RAB11FIP4: variants seen among roughly 807,000 people sequenced by gnomAD.
RAB11FIP4 encodes the protein RAB11 family interacting protein 4, also known as rab11 family-interacting protein 4.
In RAB11FIP4, 23 loss-of-function variants were observed where a neutral mutation model predicts 74.3. The observed-to-expected ratio is 0.31, with a 90% CI of 0.22 to 0.44. RAB11FIP4 has a LOEUF of 0.44. Ranked by LOEUF, RAB11FIP4 falls within the 20% of genes least tolerant of loss-of-function variation. RAB11FIP4 has a pLI of 1.00. For missense variants in RAB11FIP4, 630 were observed against 863.9 expected (o/e 0.73, Z 3.39); for synonymous variants, 360 against 359.9 (o/e 1.00, Z 0.00).
chr17:31,435,126 C>A lies in RAB11FIP4; in HGVS notation c.336+1004C>A, dbSNP rs142826707. ...ACTTGAGCCCAGTAGTTTGAGACTT[C>A]AGTGAGCTGTGATTGTGCTACTGCA... is the stretch of plus-strand genomic sequence containing the variant. On this transcript the variant is annotated intron_variant, in intron 3 of 14. Transcript: ENST00000621161. Among the ~76,000 whole-genome samples, 28 of 152,320 alleles carry A rather than the reference C, an allele frequency of 1.8e-4. No individual in the cohort carries two copies. In the East Asian group the frequency reaches 5.2e-3, roughly 28 times the overall value.
At chr17:31,529,703 G>A (rs1288581072) in intron 13 of RAB11FIP4, among the ~76,000 whole-genome samples, 1 of 152,198 alleles carries the variant, frequency 6.6e-6, no homozygotes, top group African/African-American at 2.4e-5. Flanking sequence ...AGAGCCTGCA[G>A]CATAAATTAT....
At position 31,531,766 on chromosome 17, in the gene RAB11FIP4, C is replaced by A. The variant is rs770222228; in HGVS notation, c.*34C>A. ...GCTGGCTGCAGAGCAGCCTTAGGAC[C>A]CTGGGACCAAGGGCAGACCCTGCCC... On this transcript the variant is annotated 3_prime_UTR_variant, in exon 15 of 15. Transcript: ENST00000621161. 2.7e-6 allele frequency: 4 copies of A among 1,459,518 alleles called. No homozygotes were observed. The South Asian group carries it at 3.4e-5, about 12-fold the overall frequency. 90.4% of individuals were successfully genotyped at this position (1,459,518 alleles called of 1,614,324 possible). A position where few individuals can be genotyped will look rare whatever the true frequency, so the allele number is the denominator to read the frequency against.
At chr17:31,476,308 C>T (rs1043499908) in intron 3 of RAB11FIP4, among the ~76,000 whole-genome samples, 1 of 150,888 alleles carries the variant, frequency 6.6e-6, no homozygotes, top group African/African-American at 2.4e-5. Context: ...CCTCAGCCTC[C>T]CAAGTAGCTG....
At chr17:31,529,789 TCTC>T (rs1413249135) in intron 13 of RAB11FIP4, among the ~76,000 whole-genome samples, 1 of 152,070 alleles carries the variant, frequency 6.6e-6, no homozygotes, top group Non-Finnish European at 1.5e-5. Context: ...CCCCAACCCT[TCTC>T]CTAGTCTAGG....
chr17:31,493,905 ATATG>A, intron 3 of RAB11FIP4, among the ~76,000 whole-genome samples: 1 of 152,008 alleles, frequency 6.6e-6, no homozygotes. Flanking sequence ...CCCAGATCGT[ATATG>A]TGTGTGTGCA....
intron 3 of RAB11FIP4, chr17:31,488,458 A>G: frequency 1.6e-6 from 1 of 609,520 alleles, no homozygotes; most frequent in Non-Finnish European, 2.1e-6. Flanking sequence ...CTCCTTCCCC[A>G]GCGCAGTTCC....
At chr17:31,465,976 T>TGA (rs1677629091) in intron 3 of RAB11FIP4, 1 of 23,078 alleles carries the variant, frequency 4.3e-5, no homozygotes, top group African/African-American at 1.9e-4. Context: ...CTGCTAAAAA[T>TGA]TAAAAAAAAA....
chr17:31,511,230 C>T (rs993752267), intron 3 of RAB11FIP4, among the ~76,000 whole-genome samples: 4 of 152,130 alleles, frequency 2.6e-5, no homozygotes, highest in East Asian at 1.9e-4. Context: ...CTGGCCTGGC[C>T]GTCTACTCCA....
At chr17:31,497,645 G>A (rs1260315585) in intron 3 of RAB11FIP4, among the ~76,000 whole-genome samples, 1 of 152,142 alleles carries the variant, frequency 6.6e-6, no homozygotes, top group African/African-American at 2.4e-5. Context: ...GCTGCACAGG[G>A]TCTGGCTGGA....
At chr17:31,501,325 T>TAA (rs373057437) in intron 3 of RAB11FIP4, among the ~76,000 whole-genome samples, 2 of 141,948 alleles carry the variant, frequency 1.4e-5, no homozygotes, top group South Asian at 4.4e-4. Flanking sequence ...TATCATAAGT[T>TAA]AAAAAAAAAA....
chr17:31,519,565 G>A (rs2072624625), intron 4 of RAB11FIP4, among the ~76,000 whole-genome samples: 1 of 152,108 alleles, frequency 6.6e-6, no homozygotes, highest in Non-Finnish European at 1.5e-5. Flanking sequence ...GAAGCCGAGG[G>A]GGTTGCAAGT....
chr17:31,488,314 G>T, intron 3 of RAB11FIP4: 1 of 1,173,448 alleles, frequency 8.5e-7, no homozygotes, highest in South Asian at 4.3e-5. Flanking sequence ...GGGCTCCGGC[G>T]GCGCGCACCT....
At chr17:31,434,653 G>A (rs1371115766) in intron 3 of RAB11FIP4, among the ~76,000 whole-genome samples, 1 of 152,150 alleles carries the variant, frequency 6.6e-6, no homozygotes, top group Non-Finnish European at 1.5e-5. Flanking sequence ...TGCAAACACA[G>A]GGTTCCCAGG....
chr17:31,466,641 G>A (rs2071688852), intron 3 of RAB11FIP4, among the ~76,000 whole-genome samples: 1 of 152,128 alleles, frequency 6.6e-6, no homozygotes, highest in Non-Finnish European at 1.5e-5. Context: ...TGCCAACCGT[G>A]GCTCCGCTGG....
intron 1 of RAB11FIP4, among the ~76,000 whole-genome samples, chr17:31,395,911 G>A (rs1469911675): frequency 2.0e-5 from 3 of 152,176 alleles, no homozygotes; most frequent in Non-Finnish European, 4.4e-5. Context: ...GCCGGGCGTG[G>A]TGGCTCATGC....
chr17:31,527,851 G>C lies in RAB11FIP4; in HGVS notation c.1284G>C (p.Gln428His), dbSNP rs1301358010. 1.6e-5 allele frequency: 26 copies of C among 1,606,014 alleles called. No individual in the cohort carries two copies. Among genetic ancestry groups the C allele is most frequent in the Non-Finnish European group, 2.0e-5 (24 of 1,176,638 alleles). The change falls in exon 11 of 15, where the codon CAG becomes CAC. Residue 428 changes from glutamine (Q) to histidine (H), a missense_variant. Physicochemically the swap from Gln to His is conservative, Grantham distance 24 (BLOSUM62 0). Coordinates refer to ENST00000621161, the MANE Select transcript of RAB11FIP4 (RefSeq NM_032932.6). The part of the protein sequence containing the change: ...EVELLNARVQ[Q>H]LEEENTELRT... ...TTTCTCCTTTCGCCAGGGTGCAGCA[G>C]TTGGAGGAAGAAAATACAGAGCTTA... is the stretch of plus-strand genomic sequence containing the variant.
At chr17:31,499,048 A>G (rs1185451978) in intron 3 of RAB11FIP4, among the ~76,000 whole-genome samples, 1 of 152,200 alleles carries the variant, frequency 6.6e-6, no homozygotes, top group Non-Finnish European at 1.5e-5. Context: ...TACGCACCCC[A>G]TTCAACTGCA....
At chr17:31,463,803 CTTTTTT>C (rs60955293) in intron 3 of RAB11FIP4, among the ~76,000 whole-genome samples, 626 of 32,790 alleles carry the variant, frequency 0.019, 12 homozygotes, top group African/African-American at 0.064. Flanking sequence ...TGCGCCTGGA[CTTTTTT>C]TTTTTTTTTT....
chr17:31,441,949 A>G (rs1055103937), intron 3 of RAB11FIP4, among the ~76,000 whole-genome samples: 2 of 152,238 alleles, frequency 1.3e-5, no homozygotes, highest in Admixed American at 6.5e-5. Flanking sequence ...ATATTTCATC[A>G]CATGAAGACA....
Sources: gnomAD v4.1 joint callset for allele counts (sites outside exome capture counted in the v4.1 genomes callset) on GRCh38, gnomAD v4.1.1 for gene constraint, MANE v1.5 for transcripts, NCBI Gene and HGNC (gene_info 2026-07-23, HGNC 2026-07-21) for gene names.